Variants in PDE7B observed in about 807,000 individuals in gnomAD.
PDE7B encodes phosphodiesterase 7B.
A neutral mutation model predicts 56.2 loss-of-function variants in PDE7B; 29 were observed. The ratio of observed to expected loss-of-function variants is 0.52; its 90% CI spans 0.38 to 0.70. The LOEUF (loss-of-function observed/expected upper bound fraction) is 0.70. Ranked by LOEUF, PDE7B falls within the 30% of genes least tolerant of loss-of-function variation. The pLI is 0.00. For missense variants in PDE7B, 490 were observed against 565.0 expected (o/e 0.87, Z 1.35); for synonymous variants, 197 against 196.9 (o/e 1.00, Z 0.00).
At chr6:135,852,309 A>G (rs751002904) in intron 1 of PDE7B, among the ~76,000 whole-genome samples, 84 of 147,302 alleles carry the variant, frequency 5.7e-4, no homozygotes, top group Non-Finnish European at 9.2e-4. Flanking sequence ...GGTGGTCTTT[A>G]AAAAAAAAAA....
At chr6:135,984,896 T>G (rs2128204564) in intron 2 of PDE7B, among the ~76,000 whole-genome samples, 1 of 152,100 alleles carries the variant, frequency 6.6e-6, no homozygotes, top group Non-Finnish European at 1.5e-5. Flanking sequence ...TGATCCCACC[T>G]GCCCAGCTCT....
chr6:136,110,598 A>ATTAT (rs1777726946), intron 3 of PDE7B, among the ~76,000 whole-genome samples: 1 of 152,014 alleles, frequency 6.6e-6, no homozygotes, highest in South Asian at 2.1e-4. Context: ...CCAAAGTTTC[A>ATTAT]TTATTTTAAA....
At chr6:136,155,477 A>G (rs1425132437) in intron 7 of PDE7B, 150 bp from the exon 8 acceptor site, 3 of 652,916 alleles carry the variant, frequency 4.6e-6, no homozygotes, top group East Asian at 2.6e-5. Context: ...TCATGTGACT[A>G]TCACCTCATT....
chr6:136,057,444 T>C (rs544571659), intron 2 of PDE7B, among the ~76,000 whole-genome samples: 1 of 152,332 alleles, frequency 6.6e-6, no homozygotes, highest in South Asian at 2.1e-4. Context: ...GAAAGCCTAA[T>C]ACCTCTAATC....
chr6:136,130,814 G>A (rs1778104753), intron 3 of PDE7B, among the ~76,000 whole-genome samples: 1 of 152,180 alleles, frequency 6.6e-6, no homozygotes, highest in African/African-American at 2.4e-5. Flanking sequence ...CAATCATGGT[G>A]GGAGATGAAA....
chr6:135,944,122 A>T (rs1482975534), intron 1 of PDE7B, among the ~76,000 whole-genome samples: 1 of 152,210 alleles, frequency 6.6e-6, no homozygotes, highest in Non-Finnish European at 1.5e-5. Context: ...AGCACCAGGT[A>T]CAAAGTCAGG....
At chr6:135,997,852 A>G (rs1462586550) in intron 2 of PDE7B, among the ~76,000 whole-genome samples, 1 of 152,224 alleles carries the variant, frequency 6.6e-6, no homozygotes, top group Non-Finnish European at 1.5e-5. Context: ...AGCAATCGCC[A>G]GTGGGTGGGA....
At chr6:136,111,389 G>A (rs1049855062) in intron 3 of PDE7B, among the ~76,000 whole-genome samples, 1 of 152,134 alleles carries the variant, frequency 6.6e-6, no homozygotes, top group Admixed American at 6.5e-5. Context: ...AACAACACGG[G>A]TAGGAATGAA....
intron 2 of PDE7B, among the ~76,000 whole-genome samples, chr6:136,026,131 T>C (rs1009991967): frequency 6.6e-6 from 1 of 152,330 alleles, no homozygotes; most frequent in Admixed American, 6.5e-5. Context: ...TAAAGACTAC[T>C]CTGATAACCC....
intron 1 of PDE7B, among the ~76,000 whole-genome samples, chr6:135,864,612 T>A (rs1775216061): frequency 6.6e-6 from 1 of 152,160 alleles, no homozygotes; most frequent in South Asian, 2.1e-4. Flanking sequence ...AGCCCTATTT[T>A]CATGTTTGAT....
intron 1 of PDE7B, among the ~76,000 whole-genome samples, chr6:135,888,074 C>A (rs1478051607): frequency 6.6e-6 from 1 of 152,132 alleles, no homozygotes. Context: ...TGGCATTTAA[C>A]AAATTCTTAC....
chr6:135,852,023 T>G lies in PDE7B; in HGVS notation c.21+4T>G. On this transcript the variant is annotated splice_donor_region_variant and intron_variant, in intron 1 of 12. Transcript: ENST00000308191. The stretch of plus-strand genomic sequence containing the variant: ...AATGTCTTGTTTAATGGTTGAGGTA[T>G]GTACAACAAATTTAAGCGGCAAGCT... 1 of 1,604,404 alleles carries G rather than the reference T, an allele frequency of 6.2e-7. No homozygotes were observed. Among genetic ancestry groups the G allele is most frequent in the Non-Finnish European group, 8.5e-7 (1 of 1,171,110 alleles).
intron 2 of PDE7B, among the ~76,000 whole-genome samples, chr6:136,066,186 G>A (rs1776933590): frequency 6.6e-6 from 1 of 152,172 alleles, no homozygotes; most frequent in South Asian, 2.1e-4. Flanking sequence ...TTGCACAACA[G>A]CACAAAGGCC....
intron 2 of PDE7B, among the ~76,000 whole-genome samples, chr6:136,076,950 G>A (rs552730542): frequency 4.1e-4 from 63 of 152,128 alleles, no homozygotes; most frequent in Non-Finnish European, 1.5e-4. Context: ...TGAACAAAAT[G>A]TCTCTCTCGA....
In PDE7B at chr6:135,973,332, T is replaced by A; in HGVS notation, c.82+25808T>A. Among the ~76,000 whole-genome samples, 2 of 152,086 alleles carry A rather than the reference T, an allele frequency of 1.3e-5. 1 individual carries two copies. ...ATTTCCTTTTGAAGGCAGAATAGTA[T>A]TCCATTGTATGCGTCTACCATATTT... On this transcript the variant is annotated intron_variant, in intron 2 of 12. Coordinates refer to ENST00000308191, the MANE Select transcript of PDE7B (RefSeq NM_018945.4).
At chr6:135,963,997 C>T (rs1348905103) in intron 2 of PDE7B, among the ~76,000 whole-genome samples, 1 of 152,232 alleles carries the variant, frequency 6.6e-6, no homozygotes, top group East Asian at 1.9e-4. Context: ...AAGAGACAGG[C>T]AAGTCTTTGT....
chr6:135,969,564 G>A (rs1583802480), intron 2 of PDE7B, among the ~76,000 whole-genome samples: 1 of 152,088 alleles, frequency 6.6e-6, no homozygotes, highest in Non-Finnish European at 1.5e-5. Context: ...GAACTGGCTA[G>A]CCATATACAG....
chr6:135,914,852 T>C (rs931417230), intron 1 of PDE7B, among the ~76,000 whole-genome samples: 9 of 150,028 alleles, frequency 6.0e-5, no homozygotes, highest in African/African-American at 2.2e-4. Flanking sequence ...CCCAGCACTT[T>C]GGGAGGCCGA....
At chr6:136,047,946 G>C (rs1486649703) in intron 2 of PDE7B, among the ~76,000 whole-genome samples, 5 of 152,200 alleles carry the variant, frequency 3.3e-5, no homozygotes, top group Admixed American at 1.3e-4. Flanking sequence ...TGGGAACGTA[G>C]AGGAAGAATC....
Sources: allele counts gnomAD v4.1 joint callset (sites outside exome capture counted in the v4.1 genomes callset), GRCh38; gene constraint gnomAD v4.1.1; transcripts MANE v1.5; gene names NCBI Gene and HGNC (gene_info 2026-07-23, HGNC 2026-07-21).